SLC25A30: variants seen among roughly 807,000 people sequenced by gnomAD.
The protein encoded by SLC25A30 is kidney mitochondrial carrier protein 1.
Under a neutral mutation model 42.7 loss-of-function variants are expected in SLC25A30, and 29 were observed. The ratio of observed to expected loss-of-function variants is 0.68; its 90% CI spans 0.51 to 0.93. SLC25A30 has a LOEUF of 0.93. Among genes scored for constraint, SLC25A30 ranks in the 40% least tolerant of loss-of-function variants. The pLI is 0.00. For synonymous variants in SLC25A30, 124 were observed against 131.0 expected, an observed-to-expected ratio of 0.95 and a Z score of 0.37; for missense variants, 300 against 359.7, an observed-to-expected ratio of 0.83 and a Z score of 1.34.
intron 1 of SLC25A30, among the ~76,000 whole-genome samples, chr13:45,415,796 ATTTTTTTT>A (rs557873011): frequency 5.2e-5 from 5 of 96,108 alleles, no homozygotes; most frequent in Admixed American, 1.2e-4. Flanking sequence ...TGGCTGAATA[ATTTTTTTT>A]TTTTTTTTTT....
the SLC25A30 span, among the ~76,000 whole-genome samples, chr13:45,428,351 G>A: frequency 9.3e-5 from 14 of 151,000 alleles, no homozygotes; most frequent in African/African-American, 3.2e-4. Flanking sequence ...TGGGACTACA[G>A]GCGCATGCCA....
In SLC25A30 at chr13:45,394,182, C is replaced by T. The variant is rs1365351361; in HGVS notation, c.*1792G>A. On this transcript the variant is annotated 3_prime_UTR_variant, in exon 10 of 10. Transcript: ENST00000519676. ...GTCCTCTGCTGCCCTCTAGGGTTGCCCAGGGAGAGCTGGACTTTCATCTGA... is the reference window on the plus strand; with the variant it reads ...GTCCTCTGCTGCCCTCTAGGGTTGCTCAGGGAGAGCTGGACTTTCATCTGA... 5.6e-5 allele frequency: 55 copies of T among 985,118 alleles called. No individual in the cohort carries two copies. Among genetic ancestry groups the T allele is most frequent in the Non-Finnish European group, 6.6e-5 (55 of 829,920 alleles). The allele number at this position is 985,118 out of a possible 1,614,324, so 61.0% of individuals were successfully genotyped here. A position where few individuals can be genotyped will look rare whatever the true frequency, so the allele number is the denominator to read the frequency against.
chr13:45,425,244 A>ATG, the SLC25A30 span, among the ~76,000 whole-genome samples: 3 of 105,784 alleles, frequency 2.8e-5, no homozygotes, highest in Non-Finnish European at 5.1e-5. Flanking sequence ...TTATACATAT[A>ATG]TAAATATATA....
At position 45,413,793 on chromosome 13, in the gene SLC25A30, T is replaced by TCTGC. The variant is rs1883237971; in HGVS notation, c.-55-2314_-55-2313insGCAG. Among the ~76,000 whole-genome samples the TCTGC allele has an allele frequency of 1.4e-4, 22 of 152,314 alleles. No individual in the cohort carries two copies. In the South Asian group the frequency reaches 4.4e-3, roughly 30 times the overall value. On this transcript the variant is annotated intron_variant, in intron 1 of 9. Transcript: ENST00000519676. ...GTCTTGAACTCCTGACCTCAGGTAA[T>TCTGC]CCACCTGCCTTGGCCTCCCAAAGTG...
At chr13:45,414,043 T>C (rs79013493) in intron 1 of SLC25A30, among the ~76,000 whole-genome samples, 2,237 of 152,306 alleles carry the variant, frequency 0.015, 48 homozygotes, top group African/African-American at 0.05. Context: ...CACATGCCCA[T>C]TCATTCAGAA....
chr13:45,393,779 C>CA lies in SLC25A30; in HGVS notation c.*2194dup. The CA allele has an allele frequency of 1.0e-6, 1 of 985,420 alleles. No homozygotes were observed. Among genetic ancestry groups the CA allele is most frequent in the Non-Finnish European group, 1.2e-6 (1 of 829,918 alleles). The allele number at this position is 985,420 out of a possible 1,614,324, so 61.0% of individuals were successfully genotyped here. The stretch of plus-strand genomic sequence containing the variant: ...TTCAATAAGGCACTTAATAAGTCTA[C>CA]ACTGAAGAAATACTATGCTTTTATC... On this transcript the variant is annotated 3_prime_UTR_variant, in exon 10 of 10. Transcript: ENST00000519676.
intron 1 of SLC25A30, among the ~76,000 whole-genome samples, chr13:45,415,266 A>G (rs1405461106): frequency 6.6e-6 from 1 of 152,158 alleles, no homozygotes; most frequent in African/African-American, 2.4e-5. Context: ...TCCCTGGTCA[A>G]AGCTACCAAA....
At chr13:45,404,817 C>CA (rs1263555130) in intron 4 of SLC25A30, among the ~76,000 whole-genome samples, 8 of 151,812 alleles carry the variant, frequency 5.3e-5, no homozygotes, top group Non-Finnish European at 1.2e-4. Context: ...GACGCCATCT[C>CA]AAAAAAATAA....
the SLC25A30 span, among the ~76,000 whole-genome samples, chr13:45,425,273 C>T: frequency 6.1e-5 from 6 of 98,310 alleles, no homozygotes; most frequent in African/African-American, 1.8e-4. Context: ...TATACGTATA[C>T]ATATAAATAT....
chr13:45,408,862 G>T, intron 3 of SLC25A30, 65 bp downstream of exon 3: 1 of 1,459,012 alleles, frequency 6.9e-7, no homozygotes. Flanking sequence ...TGCAGTCTTG[G>T]TCTGAAGTCT....
In SLC25A30 at chr13:45,393,846, T is replaced by C; in HGVS notation, c.*2128A>G. 1 of 985,408 alleles carries C rather than the reference T, an allele frequency of 1.0e-6. No homozygotes were observed. The highest frequency in any genetic ancestry group is 1.2e-6 in the Non-Finnish European group (1 of 829,868). 61.0% of individuals were successfully genotyped at this position (985,408 alleles called of 1,614,324 possible). A position where few individuals can be genotyped will look rare whatever the true frequency, so the allele number is the denominator to read the frequency against. On this transcript the variant is annotated 3_prime_UTR_variant, in exon 10 of 10. Coordinates refer to ENST00000519676, the MANE Select transcript of SLC25A30 (RefSeq NM_001010875.4). ...TTTTACCATGAGGTTTGAATTTCTT[T>C]CCACCTTGGTAGGAACATGTATGTA...
chr13:45,423,669 A>AAATATATATAAAATATATATAAACAT, the SLC25A30 span, among the ~76,000 whole-genome samples: 25 of 24,322 alleles, frequency 1.0e-3, 1 homozygote, highest in African/African-American at 4.9e-3. Context: ...ATATATATAA[A>AAATATATATAAAATATATATAAACAT]ATACATATTT....
At chr13:45,433,032 CAA>C in the SLC25A30 span, among the ~76,000 whole-genome samples, 4 of 129,880 alleles carry the variant, frequency 3.1e-5, no homozygotes, top group Non-Finnish European at 1.6e-5. Context: ...GACTCTTTCT[CAA>C]AAAAAAAAAA....
chr13:45,424,559 ATAAATG>A, the SLC25A30 span, among the ~76,000 whole-genome samples: 46 of 78,372 alleles, frequency 5.9e-4, 5 homozygotes, highest in East Asian at 7.1e-4. Context: ...ATAAATATAT[ATAAATG>A]TATAAATATA....
chr13:45,402,861 A>G, intron 5 of SLC25A30: 1 of 975,648 alleles, frequency 1.0e-6, no homozygotes, highest in Non-Finnish European at 1.2e-6. Context: ...GAGCTAGCCA[A>G]GTGACAGCCA....
chr13:45,395,873 C>T lies in SLC25A30; in HGVS notation c.*101G>A. The T allele has an allele frequency of 6.2e-7, 1 of 1,608,994 alleles. No homozygotes were observed. Among genetic ancestry groups the T allele is most frequent in the Non-Finnish European group, 8.5e-7 (1 of 1,177,384 alleles). On this transcript the variant is annotated 3_prime_UTR_variant, in exon 10 of 10. Transcript: ENST00000519676. ...TCATCTGTTGCTCACATCCCAGAAT[C>T]TGTGATGAGCCAAGCAGTGAGAAGC...
intron 3 of SLC25A30, among the ~76,000 whole-genome samples, chr13:45,408,415 G>C (rs1038148545): frequency 1.4e-4 from 22 of 152,126 alleles, no homozygotes; most frequent in Non-Finnish European, 1.0e-4. Flanking sequence ...TTTGTGCTGT[G>C]GTGTACTGGA....
At chr13:45,397,009 A>G (rs1184206221) in intron 9 of SLC25A30, 4 of 434,764 alleles carry the variant, frequency 9.2e-6, no homozygotes, top group Non-Finnish European at 1.6e-5. Context: ...CTTCTAGAAC[A>G]GAGTCTAACT....
In SLC25A30 at chr13:45,395,758, A is replaced by T. The variant is rs1020445976; in HGVS notation, c.*216T>A. 9 of 1,429,192 alleles carry T rather than the reference A, an allele frequency of 6.3e-6. No homozygotes were observed. In the African/African-American group the frequency reaches 7.2e-5, roughly 11 times the overall value. The allele number at this position is 1,429,192 out of a possible 1,614,324, so 88.5% of individuals were successfully genotyped here. ...ATGTTGAAGGGCACTTCAGTGGTAA[A>T]GACTAGTGTTTGGATGTTAGTTTAT... On this transcript the variant is annotated 3_prime_UTR_variant, in exon 10 of 10. Coordinates refer to ENST00000519676, the MANE Select transcript of SLC25A30 (RefSeq NM_001010875.4).
Sources: allele counts gnomAD v4.1 joint callset (sites outside exome capture counted in the v4.1 genomes callset), GRCh38; gene constraint gnomAD v4.1.1; transcripts MANE v1.5; gene names NCBI Gene and HGNC (gene_info 2026-07-23, HGNC 2026-07-21).